The following CCSER1 variants were observed in gnomAD, a reference collection of about 807,000 sequenced individuals.
The protein encoded by CCSER1 is serine-rich coiled-coil domain-containing protein 1.
Under a neutral mutation model 82.0 loss-of-function variants are expected in CCSER1, and 41 were observed. The observed-to-expected ratio is 0.50, with a 90% CI of 0.39 to 0.65. CCSER1 has a LOEUF of 0.65. Among genes scored for constraint, CCSER1 ranks in the 30% least tolerant of loss-of-function variants. The pLI, the probability that CCSER1 is intolerant of heterozygous loss-of-function variation, is 0.00. For missense variants in CCSER1, 1,119 were observed against 1,064.2 expected (o/e 1.05, Z -0.72); for synonymous variants, 414 against 383.9 (o/e 1.08, Z -0.92).
chr4:91,083,605 A>T (rs1723045150), intron 9 of CCSER1, among the ~76,000 whole-genome samples: 1 of 152,160 alleles, frequency 6.6e-6, no homozygotes, highest in East Asian at 1.9e-4. Flanking sequence ...TACAAATAAA[A>T]ATGTCAAGGA....
chr4:90,767,155 G>A (rs1751371802), intron 7 of CCSER1, among the ~76,000 whole-genome samples: 1 of 152,112 alleles, frequency 6.6e-6, no homozygotes, highest in African/African-American at 2.4e-5. Context: ...TGATTCCATA[G>A]AAGGACATTT....
intron 5 of CCSER1, among the ~76,000 whole-genome samples, chr4:90,483,968 T>A (rs1304718489): frequency 2.0e-5 from 3 of 152,236 alleles, no homozygotes; most frequent in Non-Finnish European, 4.4e-5. Context: ...TGCAGAGTGT[T>A]TTCCAACTTG....
chr4:90,729,405 C>T (rs546408654), intron 7 of CCSER1, among the ~76,000 whole-genome samples: 113 of 152,140 alleles, frequency 7.4e-4, no homozygotes, highest in African/African-American at 2.3e-3. Flanking sequence ...TTATTTTATA[C>T]GCTTGAGTAT....
intron 1 of CCSER1, among the ~76,000 whole-genome samples, chr4:90,210,917 TTTAA>T (rs1578513587): frequency 2.0e-5 from 3 of 152,320 alleles, no homozygotes; most frequent in Admixed American, 6.5e-5. Flanking sequence ...TGCTTTATGA[TTTAA>T]TTAGCTTTAT....
chr4:91,010,896 CT>C (rs1430331303), intron 9 of CCSER1, among the ~76,000 whole-genome samples: 1 of 134,304 alleles, frequency 7.4e-6, no homozygotes, highest in African/African-American at 2.5e-5. Context: ...TTTGAATTCC[CT>C]TTCTGGAAAT....
At chr4:90,444,668 C>T (rs913943438) in intron 4 of CCSER1, among the ~76,000 whole-genome samples, 25 of 152,102 alleles carry the variant, frequency 1.6e-4, no homozygotes, top group African/African-American at 4.6e-4. Context: ...TAATATATCT[C>T]ATTTTATTTT....
At chr4:90,658,469 C>T (rs1560898268) in intron 6 of CCSER1, among the ~76,000 whole-genome samples, 1 of 152,146 alleles carries the variant, frequency 6.6e-6, no homozygotes, top group African/African-American at 2.4e-5. Context: ...ATGTCTTCTT[C>T]TCAACTCAGT....
intron 7 of CCSER1, among the ~76,000 whole-genome samples, chr4:90,799,317 T>C (rs1756468457): frequency 6.6e-6 from 1 of 152,170 alleles, no homozygotes; most frequent in East Asian, 1.9e-4. Context: ...GCCAAGGCTC[T>C]GTCTGCTCTG....
intron 5 of CCSER1, among the ~76,000 whole-genome samples, chr4:90,500,514 A>G (rs1258777385): frequency 6.6e-6 from 1 of 152,062 alleles, no homozygotes; most frequent in Non-Finnish European, 1.5e-5. Flanking sequence ...CTATTTTAAC[A>G]GAGTTTGGAT....
At chr4:90,691,905 A>G (rs1560953052) in intron 6 of CCSER1, among the ~76,000 whole-genome samples, 1 of 151,628 alleles carries the variant, frequency 6.6e-6, no homozygotes, top group South Asian at 2.1e-4. Context: ...CTTTGTGTCC[A>G]TATGTACTCA....
chr4:91,081,652 A>G (rs1383693421), intron 9 of CCSER1, among the ~76,000 whole-genome samples: 3 of 152,220 alleles, frequency 2.0e-5, no homozygotes, highest in Non-Finnish European at 4.4e-5. Context: ...ATGATTGTAT[A>G]TTTAGAAAAC....
At chr4:91,503,293 G>T (rs931409583) in intron 10 of CCSER1, among the ~76,000 whole-genome samples, 2 of 149,952 alleles carry the variant, frequency 1.3e-5, no homozygotes, top group Non-Finnish European at 3.0e-5. Flanking sequence ...AGTGAGCCAA[G>T]ATGGTGCCAC....
At chr4:91,498,027 C>A (rs970956385) in intron 10 of CCSER1, among the ~76,000 whole-genome samples, 1 of 151,928 alleles carries the variant, frequency 6.6e-6, no homozygotes, top group African/African-American at 2.4e-5. Context: ...CCACTGTGAA[C>A]AGATGATACA....
chr4:91,225,164 A>ATG (rs1233098551), intron 10 of CCSER1, among the ~76,000 whole-genome samples: 8 of 81,192 alleles, frequency 9.9e-5, no homozygotes, highest in South Asian at 4.4e-4. Context: ...TGATATATAT[A>ATG]TGTGTGTGTG....
chr4:90,179,642 C>G (rs1733348352), intron 1 of CCSER1, among the ~76,000 whole-genome samples: 2 of 152,180 alleles, frequency 1.3e-5, no homozygotes, highest in Admixed American at 6.6e-5. Flanking sequence ...TTTGGCCTCC[C>G]AAAGCCTTGG....
intron 6 of CCSER1, among the ~76,000 whole-genome samples, chr4:90,686,832 A>C (rs1324747683): frequency 6.6e-6 from 1 of 152,154 alleles, no homozygotes; most frequent in Non-Finnish European, 1.5e-5. Context: ...TCCTCTGCCA[A>C]TTTAGTGTTT....
At chr4:91,432,584 C>G (rs1173453579) in intron 10 of CCSER1, among the ~76,000 whole-genome samples, 1 of 152,074 alleles carries the variant, frequency 6.6e-6, no homozygotes, top group Non-Finnish European at 1.5e-5. Context: ...CTTTTATTAA[C>G]TGGTAGGTGA....
At chr4:90,475,917 G>A (rs114156250) in intron 5 of CCSER1, among the ~76,000 whole-genome samples, 2,423 of 152,232 alleles carry the variant, frequency 0.016, 40 homozygotes, top group African/African-American at 0.047. Flanking sequence ...TAGCAGGAAT[G>A]CATTAGCTGT....
chr4:90,924,754 T>A (rs1728838932), intron 9 of CCSER1, among the ~76,000 whole-genome samples: 1 of 152,130 alleles, frequency 6.6e-6, no homozygotes, highest in African/African-American at 2.4e-5. Flanking sequence ...TGAGATGGAG[T>A]CTCACTCTGT....
Sources: gnomAD v4.1 joint callset for allele counts (sites outside exome capture counted in the v4.1 genomes callset) on GRCh38, gnomAD v4.1.1 for gene constraint, MANE v1.5 for transcripts, NCBI Gene and HGNC (gene_info 2026-07-23, HGNC 2026-07-21) for gene names.